The following ZNF385C variants were observed in gnomAD, a reference collection of about 807,000 sequenced individuals.
ZNF385C encodes zinc finger protein 385C.
ZNF385C carries 28 observed loss-of-function variants against 35.4 expected under a neutral mutation model. The ratio of observed to expected loss-of-function variants is 0.79; its 90% confidence interval spans 0.59 to 1.08. ZNF385C has a LOEUF of 1.08. ZNF385C is among the 50% of genes least tolerant of loss of function. The pLI is 0.00. For synonymous variants in ZNF385C, 248 were observed against 248.2 expected, an observed-to-expected ratio of 1.00 and a Z score of 0.01; for missense variants, 605 against 595.6, an observed-to-expected ratio of 1.02 and a Z score of -0.16.
At chr17:42,087,853 A>G (rs912229015) in intron 1 of ZNF385C, among the ~76,000 whole-genome samples, 10 of 152,230 alleles carry the variant, frequency 6.6e-5, no homozygotes, top group Non-Finnish European at 1.5e-4. Flanking sequence ...ATCTATAACC[A>G]ATATACTGTT....
intron 2 of ZNF385C, chr17:42,062,454 AGATGAG>A (rs2053476804): frequency 5.0e-6 from 1 of 198,214 alleles, no homozygotes; most frequent in Non-Finnish European, 1.0e-5. Context: ...CCCACCCCGC[AGATGAG>A]GCCCTTGTCT....
At chr17:42,048,933 C>G (rs1257473923) in intron 2 of ZNF385C, among the ~76,000 whole-genome samples, 1 of 93,738 alleles carries the variant, frequency 1.1e-5, no homozygotes, top group Admixed American at 1.4e-4. Context: ...CAGAGCAAGA[C>G]TCCATCTCAA....
At chr17:42,063,590 AG>A (rs1231514140) in intron 1 of ZNF385C, among the ~76,000 whole-genome samples, 1 of 152,210 alleles carries the variant, frequency 6.6e-6, no homozygotes, top group Non-Finnish European at 1.5e-5. Context: ...ACTTTCTGGA[AG>A]GGTGTCCGAC....
At chr17:42,055,745 C>G (rs1446420424) in intron 2 of ZNF385C, among the ~76,000 whole-genome samples, 6 of 152,120 alleles carry the variant, frequency 3.9e-5, no homozygotes, top group African/African-American at 1.4e-4. Context: ...AGAAGCTCAT[C>G]AAGCCAGTGA....
chr17:42,044,616 CAA>C (rs1200170680), intron 2 of ZNF385C, among the ~76,000 whole-genome samples: 30 of 118,224 alleles, frequency 2.5e-4, no homozygotes, highest in Admixed American at 2.6e-4. Context: ...AACTCTGTCT[CAA>C]AAAAAAAAAA....
At chr17:42,087,199 CAAA>C (rs1352787245) in intron 1 of ZNF385C, among the ~76,000 whole-genome samples, 1 of 151,766 alleles carries the variant, frequency 6.6e-6, no homozygotes, top group Non-Finnish European at 1.5e-5. Flanking sequence ...GGGTTAAGTA[CAAA>C]AAAAGACAAT....
At chr17:42,037,378 TACACACACACACACACACACACACACAC>T (rs5820441) in intron 3 of ZNF385C, among the ~76,000 whole-genome samples, 2 of 144,536 alleles carry the variant, frequency 1.4e-5, no homozygotes, top group South Asian at 2.3e-4. Context: ...AGGCACAGGT[TACACACACACACACACACACACACACAC>T]ACACACACAC....
rs1451771233 is a variant in ZNF385C, at chr17:42,031,566, C to T, written c.676+53G>A. 15 of 1,515,286 alleles carry T rather than the reference C, an allele frequency of 9.9e-6. No individual in the cohort carries two copies. In the Admixed American group the frequency reaches 1.3e-4, roughly 13 times the overall value. The allele number at this position is 1,515,286 out of a possible 1,614,324, so 93.9% of individuals were successfully genotyped here. A position where few individuals can be genotyped will look rare whatever the true frequency, so the allele number is the denominator to read the frequency against. On this transcript the variant is annotated intron_variant, in intron 5 of 8. Coordinates refer to ENST00000692273, the MANE Select transcript of ZNF385C (RefSeq NM_001392013.1). Reference sequence around the variant, plus strand: ...AAGCAGAAATCTCTCAACCCCTTGTCGGAAACCAGATTTGGAGTGGAGACG... The same window carrying T: ...AAGCAGAAATCTCTCAACCCCTTGTTGGAAACCAGATTTGGAGTGGAGACG...
intron 1 of ZNF385C, among the ~76,000 whole-genome samples, chr17:42,085,707 C>A (rs2053799453): frequency 6.6e-6 from 1 of 151,416 alleles, no homozygotes; most frequent in African/African-American, 2.4e-5. Context: ...AAGCGATTCT[C>A]CCGCCTTAGA....
intron 2 of ZNF385C, among the ~76,000 whole-genome samples, chr17:42,053,113 G>C (rs1490151804): frequency 6.6e-6 from 1 of 152,118 alleles, no homozygotes; most frequent in African/African-American, 2.4e-5. Flanking sequence ...AGCCACTTCT[G>C]GGTCATCTAG....
chr17:42,082,758 C>A lies in ZNF385C; in HGVS notation c.-3+15652G>T, dbSNP rs562243579. ...GACCAGCCTGGGCAACATAATGAGA[C>A]CCTGTCTTTACAAAAAATACAAAAA... On this transcript the variant is annotated intron_variant, in intron 1 of 8. Coordinates refer to ENST00000692273, the MANE Select transcript of ZNF385C (RefSeq NM_001392013.1). Among the ~76,000 whole-genome samples, 264 of 152,094 alleles carry A rather than the reference C, an allele frequency of 1.7e-3. 1 individual carries two copies. The highest frequency in any genetic ancestry group is 5.8e-3 in the African/African-American group (241 of 41,458).
intron 4 of ZNF385C, among the ~76,000 whole-genome samples, chr17:42,032,726 T>A (rs1555655108): frequency 6.6e-6 from 1 of 151,940 alleles, no homozygotes; most frequent in African/African-American, 2.4e-5. Flanking sequence ...CTTTTTTTTT[T>A]TTTGAGACGG....
Position 42,040,638 on chromosome 17 carries a change from G to A in ZNF385C, c.251-2753C>T, listed in dbSNP as rs1296713738. 31 of 1,232,218 alleles carry A rather than the reference G, an allele frequency of 2.5e-5. No homozygotes were observed. The African/African-American group carries it at 3.3e-4, about 13-fold the overall frequency. The allele number at this position is 1,232,218 out of a possible 1,614,324, so 76.3% of individuals were successfully genotyped here. A position where few individuals can be genotyped will look rare whatever the true frequency, so the allele number is the denominator to read the frequency against. ...TGGGCACCAGGCCAGGCCAGGCCTCGGCCACTGCTTCCACTACAGGCAGCA... is the reference window on the plus strand; with the variant it reads ...TGGGCACCAGGCCAGGCCAGGCCTCAGCCACTGCTTCCACTACAGGCAGCA... On this transcript the variant is annotated intron_variant, in intron 2 of 8. Coordinates refer to ENST00000692273, the MANE Select transcript of ZNF385C (RefSeq NM_001392013.1).
chr17:42,061,207 A>ATTTTTTTTTTT (rs10617911), intron 2 of ZNF385C: 7 of 57,510 alleles, frequency 1.2e-4, no homozygotes, highest in African/African-American at 3.3e-4. Context: ...TAATGAGTTA[A>ATTTTTTTTTTT]TTTTTTTTTT....
intron 1 of ZNF385C, among the ~76,000 whole-genome samples, chr17:42,078,430 A>G (rs1555659430): frequency 7.2e-6 from 1 of 138,398 alleles, no homozygotes; most frequent in East Asian, 2.1e-4. Flanking sequence ...AAATTCAACC[A>G]ACACTCAGAT....
At position 42,095,658 on chromosome 17, in the gene ZNF385C, G is replaced by A. The variant is rs1256777093; in HGVS notation, c.-3+2752C>T. ...GTCCCAGTTTTGTGGTGGATAATGA[G>A]GTCAGGAGGCCCACAGGGGAACTGC... On this transcript the variant is annotated intron_variant, in intron 1 of 8. Coordinates refer to ENST00000692273, the MANE Select transcript of ZNF385C (RefSeq NM_001392013.1). The surrounding 1 kb of genome is among the most constrained non-coding windows in gnomAD (Gnocchi z 4.4). Among the ~76,000 whole-genome samples, 1 of 152,150 alleles carries A rather than the reference G, an allele frequency of 6.6e-6. No homozygotes were observed. The highest frequency in any genetic ancestry group is 1.5e-5 in the Non-Finnish European group (1 of 68,030).
intron 5 of ZNF385C, among the ~76,000 whole-genome samples, chr17:42,030,147 A>C (rs1295019570): frequency 1.3e-5 from 2 of 152,170 alleles, no homozygotes; most frequent in African/African-American, 4.8e-5. Context: ...ACATGGATGA[A>C]TCTTACAGAT....
chr17:42,035,410 A>G (rs1443940375), intron 3 of ZNF385C, among the ~76,000 whole-genome samples: 10 of 151,880 alleles, frequency 6.6e-5, no homozygotes, highest in Non-Finnish European at 5.9e-5. Context: ...GGCAGGGAAG[A>G]GACAAAGAAC....
At chr17:42,028,007 C>CCACCCCAGG in intron 7 of ZNF385C, 43 bp downstream of exon 7, 1 of 1,597,952 alleles carries the variant, frequency 6.3e-7, no homozygotes, top group Non-Finnish European at 8.6e-7. Flanking sequence ...CCCCCAACCC[C>CCACCCCAGG]CTCCCCTGGC....
Sources: allele counts gnomAD v4.1 joint callset (sites outside exome capture counted in the v4.1 genomes callset), GRCh38; gene constraint gnomAD v4.1.1; non-coding constraint Gnocchi (gnomAD v3.1); transcripts MANE v1.5; gene names NCBI Gene and HGNC (gene_info 2026-07-23, HGNC 2026-07-21).